The following MYPN variants were observed in gnomAD, a reference collection of about 807,000 sequenced individuals.
The protein encoded by MYPN is sarcomeric protein myopalladin, 145 kDa (MYOP).
Under a neutral mutation model 129.4 loss-of-function variants are expected in MYPN, and 63 were observed. That is an observed-to-expected ratio of 0.49 (90% CI 0.40 to 0.60). MYPN has a LOEUF of 0.60. Ranked by LOEUF, MYPN falls within the 20% of genes least tolerant of loss-of-function variation. The probability of loss-of-function intolerance (pLI) is 0.00; values close to 1 mark genes in which losing one functional copy is unlikely to be tolerated. For synonymous variants in MYPN, 629 were observed against 600.9 expected (o/e 1.05, Z -0.68); for missense variants, 1,596 against 1,635.4 (o/e 0.98, Z 0.42).
intron 2 of MYPN, among the ~76,000 whole-genome samples, chr10:68,134,675 G>C (rs896144355): frequency 3.9e-5 from 6 of 152,008 alleles, no homozygotes; most frequent in Non-Finnish European, 5.9e-5. Context: ...TGCTCCTGTA[G>C]TCCCAGCTAC....
At chr10:68,174,009 G>A in intron 10 of MYPN, 57 bp from the exon 11 acceptor site, 1 of 1,349,682 alleles carries the variant, frequency 7.4e-7, no homozygotes. Context: ...TTGTTTGAAA[G>A]GTGAGGCCAA....
At chr10:68,197,172 C>A (rs1231266197) in intron 15 of MYPN, among the ~76,000 whole-genome samples, 180 bp from the exon 16 acceptor site, 1 of 152,026 alleles carries the variant, frequency 6.6e-6, no homozygotes, top group Non-Finnish European at 1.5e-5. Flanking sequence ...GAGATACTTA[C>A]CACTTTGTGT....
chr10:68,126,189 G>T (rs1238392523), intron 2 of MYPN, among the ~76,000 whole-genome samples: 3 of 152,160 alleles, frequency 2.0e-5, no homozygotes, highest in Non-Finnish European at 4.4e-5. Context: ...TAGAGATAAG[G>T]TTGAAGAGGT....
rs147496521 is a variant in MYPN at position 68,097,681 on chromosome 10, C to T, written c.-2+9689C>T. On this transcript the variant is annotated intron_variant, in intron 1 of 6. Transcript: ENST00000685154. ...CTAATGTTTCTCACATAATAAGTGG[C>T]GGAGTTGGAATACAGCTCTAAATAC... Among the ~76,000 whole-genome samples the T allele has an allele frequency of 5.4e-3, 819 of 151,864 alleles. 10 individuals are homozygous for T. Among genetic ancestry groups the T allele is most frequent in the African/African-American group, 0.019 (777 of 41,434 alleles).
chr10:68,190,985 T>A (rs796855009), intron 13 of MYPN, among the ~76,000 whole-genome samples: 2 of 152,284 alleles, frequency 1.3e-5, no homozygotes, highest in African/African-American at 4.8e-5. Context: ...TTGTCAAAAA[T>A]GAGTTGGCTA....
chr10:68,205,319 C>A (rs1404689955), intron 18 of MYPN, among the ~76,000 whole-genome samples: 2 of 151,904 alleles, frequency 1.3e-5, no homozygotes, highest in East Asian at 3.9e-4. Flanking sequence ...TTCTATTTAT[C>A]TTTATTTCTA....
chr10:68,101,945 G>A (rs2041983788), upstream of MYPN, among the ~76,000 whole-genome samples: 1 of 151,674 alleles, frequency 6.6e-6, no homozygotes, highest in African/African-American at 2.4e-5. Flanking sequence ...ATTAATATTT[G>A]CATTTTTCTC....
rs7079385 is a variant in MYPN at position 68,199,218 on chromosome 10, G to T, written c.3286-150G>T. ...ATGCAGCTGTTTATTCAGACTCTTCGTTTCTCTCGATGCCCCTACAGAGAG... is the reference window on the plus strand; with the variant it reads ...ATGCAGCTGTTTATTCAGACTCTTCTTTTCTCTCGATGCCCCTACAGAGAG... On this transcript the variant is annotated intron_variant, in intron 16 of 19. Coordinates refer to ENST00000358913, the MANE Select transcript of MYPN (RefSeq NM_032578.4). 535,520 of 770,676 alleles carry T rather than the reference G, an allele frequency of 0.69. 191,306 individuals carry two copies. The highest frequency in any genetic ancestry group is 0.75 in the Non-Finnish European group (334,777 of 446,620). 47.7% of individuals were successfully genotyped at this position (770,676 alleles called of 1,614,324 possible). A position where few individuals can be genotyped will look rare whatever the true frequency, so the allele number is the denominator to read the frequency against.
intron 17 of MYPN, among the ~76,000 whole-genome samples, 182 bp from the exon 18 acceptor site, chr10:68,201,647 A>G (rs1368338509): frequency 6.6e-6 from 1 of 152,070 alleles, no homozygotes; most frequent in Non-Finnish European, 1.5e-5. Flanking sequence ...GCACGCCTGT[A>G]ATCCCAGCTA....
Position 68,172,614 on chromosome 10 carries a change from G to A in MYPN, c.1974-1452G>A, listed in dbSNP as rs150989699. ...TCAATGGACCATTAAGGCAAATCAC[G>A]TGATGCCTCTGTGACTCAGGTTCTA... On this transcript the variant is annotated intron_variant, in intron 10 of 19. Transcript: ENST00000358913. Among the ~76,000 whole-genome samples the A allele has an allele frequency of 2.2e-3, 337 of 152,262 alleles. 3 individuals carry two copies. The highest frequency in any genetic ancestry group is 0.014 in the Admixed American group (219 of 15,296).
At chr10:68,161,811 T>A in intron 8 of MYPN, 59 bp downstream of exon 8, 1 of 1,295,688 alleles carries the variant, frequency 7.7e-7, no homozygotes, top group South Asian at 1.3e-5. Context: ...TATACAAGAA[T>A]ACATAATGAA....
chr10:68,129,953 A>G (rs2134020588), intron 2 of MYPN, among the ~76,000 whole-genome samples: 1 of 152,318 alleles, frequency 6.6e-6, no homozygotes, highest in East Asian at 1.9e-4. Context: ...TGCTCAACCT[A>G]TACCAGACTT....
intron 2 of MYPN, among the ~76,000 whole-genome samples, chr10:68,137,652 T>A (rs892008352): frequency 1.2e-4 from 19 of 152,190 alleles, no homozygotes; most frequent in African/African-American, 4.1e-4. Context: ...ATTAAAAAAA[T>A]TTAAGTATTG....
intron 10 of MYPN, among the ~76,000 whole-genome samples, 196 bp from the exon 11 acceptor site, chr10:68,173,870 T>C (rs2134197536): frequency 6.6e-6 from 1 of 151,108 alleles, no homozygotes; most frequent in East Asian, 2.0e-4. Context: ...TTTCACCATG[T>C]TGCCCAGGCT....
intron 1 of MYPN, among the ~76,000 whole-genome samples, chr10:68,092,012 T>A (rs2041933421): frequency 6.6e-6 from 1 of 151,934 alleles, no homozygotes; most frequent in Non-Finnish European, 1.5e-5. Context: ...AGCCCAGGAG[T>A]TCGAGGGTGC....
chr10:68,195,448 A>T lies in MYPN; in HGVS notation c.3076-2A>T. On this transcript the variant is annotated splice_acceptor_variant, in intron 14 of 19. Transcript: ENST00000358913. LOFTEE classifies it high-confidence loss of function. ...TAATCTTGCTCTTTTTCTGTTTGTC[A>T]GGGGAGAATCAGCTGTTCTGGCCAC... The T allele has an allele frequency of 1.2e-6, 2 of 1,613,762 alleles. No homozygotes were observed. Among genetic ancestry groups the T allele is most frequent in the Non-Finnish European group, 1.7e-6 (2 of 1,179,674 alleles).
At chr10:68,142,904 G>A (rs752772955) in intron 2 of MYPN, 36 bp from the exon 3 acceptor site, 1 of 1,599,750 alleles carries the variant, frequency 6.3e-7, no homozygotes. Context: ...TCTTGCATTT[G>A]AGTCATGTCC....
At chr10:68,154,572 G>A (rs1225292211) in intron 6 of MYPN, among the ~76,000 whole-genome samples, 1 of 152,188 alleles carries the variant, frequency 6.6e-6, no homozygotes, top group Middle Eastern at 3.2e-3. Flanking sequence ...AGGGGCAAAA[G>A]AGCTTTCAAT....
At chr10:68,095,349 CAAA>C (rs34153833) in intron 1 of MYPN, among the ~76,000 whole-genome samples, 5 of 114,626 alleles carry the variant, frequency 4.4e-5, no homozygotes, top group Non-Finnish European at 4.1e-5. Context: ...GTCCCTGTCT[CAAA>C]AAAAAAAAAA....
Sources: allele counts gnomAD v4.1 joint callset (sites outside exome capture counted in the v4.1 genomes callset), GRCh38; gene constraint gnomAD v4.1.1; transcripts MANE v1.5; gene names NCBI Gene and HGNC (gene_info 2026-07-23, HGNC 2026-07-21).